KCNH5: variants seen among roughly 807,000 people sequenced by gnomAD.
KCNH5 encodes the protein voltage-gated delayed rectifier potassium channel KCNH5.
Under a neutral mutation model 96.1 loss-of-function variants are expected in KCNH5, and 46 were observed. The ratio of observed to expected loss-of-function variants is 0.48; its 90% CI spans 0.38 to 0.61. The LOEUF is 0.61. Among genes scored for constraint, KCNH5 ranks in the 20% least tolerant of loss-of-function variants. The probability of loss-of-function intolerance (pLI) is 0.00; values close to 1 mark genes in which losing one functional copy is unlikely to be tolerated. For synonymous variants in KCNH5, 439 were observed against 449.8 expected (o/e 0.98, Z 0.30); for missense variants, 907 against 1,225.8 (o/e 0.74, Z 3.88).
chr14:62,982,368 T>C (rs548829813), intron 5 of KCNH5, among the ~76,000 whole-genome samples: 1 of 152,294 alleles, frequency 6.6e-6, no homozygotes, highest in East Asian at 1.9e-4. Context: ...CAAAAACTTC[T>C]GCCCTGTGCC....
At position 62,705,077 on chromosome 14, in the gene KCNH5, T is replaced by A. The variant is rs1302676369; in HGVS notation, c.*2431A>T. 6.6e-6 allele frequency: 1 copy of A among 151,962 alleles called. No homozygotes were observed. The highest frequency in any genetic ancestry group is 1.5e-5 in the Non-Finnish European group (1 of 67,856). The allele number at this position is 151,962 out of a possible 1,614,324, so 9.4% of individuals were successfully genotyped here. A position where few individuals can be genotyped will look rare whatever the true frequency, so the allele number is the denominator to read the frequency against. ...ATAATTAAACAATTGATACTTTCCC[T>A]CCTTCCTAACAATCTGGAGTAATTC... On this transcript the variant is annotated 3_prime_UTR_variant, in exon 11 of 11. Coordinates refer to ENST00000322893, the MANE Select transcript of KCNH5 (RefSeq NM_139318.5).
At chr14:62,828,204 T>C (rs754821333) in intron 8 of KCNH5, among the ~76,000 whole-genome samples, 17 of 152,172 alleles carry the variant, frequency 1.1e-4, no homozygotes, top group Non-Finnish European at 1.6e-4. Flanking sequence ...TTTTTCTATA[T>C]TTAATTTAAT....
chr14:62,740,623 C>A (rs773360824), intron 10 of KCNH5, among the ~76,000 whole-genome samples: 2 of 152,144 alleles, frequency 1.3e-5, no homozygotes, highest in African/African-American at 4.8e-5. Context: ...CAACCTCATT[C>A]TGATTTTTTC....
chr14:62,781,869 G>A (rs1419407366), intron 9 of KCNH5, among the ~76,000 whole-genome samples: 2 of 152,172 alleles, frequency 1.3e-5, no homozygotes, highest in African/African-American at 4.8e-5. Flanking sequence ...ACAGGATTAA[G>A]AGATTAAAGA....
intron 7 of KCNH5, among the ~76,000 whole-genome samples, chr14:62,882,940 T>C (rs1310966718): frequency 6.6e-6 from 1 of 152,218 alleles, no homozygotes; most frequent in South Asian, 2.1e-4. Context: ...CTTTCTACTT[T>C]ATGGCCTAAG....
intron 9 of KCNH5, among the ~76,000 whole-genome samples, chr14:62,791,990 C>G (rs113226924): frequency 1.3e-5 from 2 of 151,186 alleles, no homozygotes; most frequent in African/African-American, 4.8e-5. Flanking sequence ...TACATAGGCC[C>G]AAAAATATTC....
At chr14:62,938,125 C>T (rs1004170422) in intron 7 of KCNH5, among the ~76,000 whole-genome samples, 11 of 152,052 alleles carry the variant, frequency 7.2e-5, no homozygotes, top group African/African-American at 2.7e-4. Context: ...GAGTAATGGT[C>T]CCAAATTAGA....
chr14:62,826,881 AG>A (rs1418767531), intron 8 of KCNH5, among the ~76,000 whole-genome samples: 1 of 151,992 alleles, frequency 6.6e-6, no homozygotes. Context: ...TTCATGTTTA[AG>A]GAATTTAAAC....
At chr14:62,717,216 T>C (rs1355450928) in intron 10 of KCNH5, among the ~76,000 whole-genome samples, 2 of 152,158 alleles carry the variant, frequency 1.3e-5, no homozygotes, top group African/African-American at 2.4e-5. Flanking sequence ...ACTACCCAAG[T>C]TAATCTATAG....
intron 3 of KCNH5, among the ~76,000 whole-genome samples, chr14:63,002,163 C>T: frequency 6.6e-6 from 1 of 152,122 alleles, no homozygotes; most frequent in South Asian, 2.1e-4. Flanking sequence ...GCCACTGCTG[C>T]CTACCTCCCT....
At chr14:62,980,082 C>T (rs1259236619) in intron 6 of KCNH5, among the ~76,000 whole-genome samples, 2 of 152,150 alleles carry the variant, frequency 1.3e-5, no homozygotes, top group Non-Finnish European at 2.9e-5. Context: ...CCCCTGTGCT[C>T]CTTTTTCTCT....
intron 7 of KCNH5, among the ~76,000 whole-genome samples, chr14:62,864,451 A>G (rs1888094833): frequency 6.6e-6 from 1 of 150,486 alleles, no homozygotes; most frequent in Admixed American, 6.8e-5. Context: ...CTGTACACAG[A>G]CTAAGCTGAC....
chr14:62,748,742 G>C (rs1440856289), intron 10 of KCNH5, among the ~76,000 whole-genome samples: 2 of 152,058 alleles, frequency 1.3e-5, no homozygotes, highest in South Asian at 4.1e-4. Context: ...GTTCATAACT[G>C]CGAGTTCCGA....
chr14:62,930,663 G>A (rs764494910), intron 7 of KCNH5, among the ~76,000 whole-genome samples: 7 of 152,084 alleles, frequency 4.6e-5, no homozygotes, highest in Non-Finnish European at 8.8e-5. Context: ...AATTCACACA[G>A]CATTGTGAAG....
At chr14:63,026,051 A>G (rs1387338826) in intron 1 of KCNH5, among the ~76,000 whole-genome samples, 2 of 152,100 alleles carry the variant, frequency 1.3e-5, no homozygotes, top group African/African-American at 4.8e-5. Context: ...GAGCCCAGAA[A>G]TCAAGCCACA....
chr14:62,978,923 T>G (rs767076477), intron 6 of KCNH5, among the ~76,000 whole-genome samples: 3 of 152,208 alleles, frequency 2.0e-5, no homozygotes, highest in Non-Finnish European at 4.4e-5. Context: ...GTGAGAACAC[T>G]TTACACCCAC....
intron 10 of KCNH5, among the ~76,000 whole-genome samples, chr14:62,771,341 T>C (rs73271190): frequency 0.028 from 4,319 of 151,994 alleles, 164 homozygotes; most frequent in East Asian, 0.097. Context: ...TAAAAATGAG[T>C]CTAGGCCAGG....
chr14:62,971,109 G>A (rs1224341392), intron 6 of KCNH5, among the ~76,000 whole-genome samples: 1 of 152,046 alleles, frequency 6.6e-6, no homozygotes, highest in Non-Finnish European at 1.5e-5. Context: ...GATTATCTAT[G>A]TAGAAAATAT....
At chr14:62,782,892 C>A (rs980633338) in intron 9 of KCNH5, among the ~76,000 whole-genome samples, 4 of 152,138 alleles carry the variant, frequency 2.6e-5, no homozygotes, top group African/African-American at 4.8e-5. Flanking sequence ...TCCTTTTATA[C>A]AGATGAATTT....
Sources: allele counts gnomAD v4.1 joint callset (sites outside exome capture counted in the v4.1 genomes callset), GRCh38; gene constraint gnomAD v4.1.1; transcripts MANE v1.5; gene names NCBI Gene and HGNC (gene_info 2026-07-23, HGNC 2026-07-21).